Variants in FER1L5 observed in about 807,000 individuals in gnomAD.
FER1L5 encodes the protein fer-1 like family member 5.
FER1L5 carries 187 observed loss-of-function variants against 279.9 expected under a neutral mutation model. The ratio of observed to expected loss-of-function variants is 0.67; its 90% CI spans 0.59 to 0.75. The LOEUF (loss-of-function observed/expected upper bound fraction) is 0.75. FER1L5 is among the 30% of genes least tolerant of loss of function. The probability of loss-of-function intolerance (pLI) is 0.00; values close to 1 mark genes in which losing one functional copy is unlikely to be tolerated. For synonymous variants in FER1L5, 921 were observed against 989.7 expected (o/e 0.93, Z 1.30); for missense variants, 2,091 against 2,594.4 (o/e 0.81, Z 4.21).
At position 96,661,347 on chromosome 2, in the gene FER1L5, G is replaced by A. The variant is rs2075947192; in HGVS notation, c.801G>A (p.Trp267Ter). 2 of 1,551,036 alleles carry A rather than the reference G, an allele frequency of 1.3e-6. No individual in the cohort carries two copies. The highest frequency in any genetic ancestry group is 8.7e-7 in the Non-Finnish European group (1 of 1,146,830). ...TAGGTCACACACTCCTAAGGAAATG[G>A]CTAGGCCTCTGCCAGCCAAATAACC... ...HSPGHTLLRK[W>*]LGLCQPNNPG... Residue 267 changes from tryptophan (W) to a stop codon, truncating the protein, a stop_gained, in exon 11 of 53, where the codon TGG becomes TGA. Transcript: ENST00000624922. LOFTEE classifies it high-confidence loss of function.
At chr2:96,671,106 C>CAAAAAAAAAAAAAAAAAAAAAAAA (rs750341048) in intron 18 of FER1L5, among the ~76,000 whole-genome samples, 3 of 40,220 alleles carry the variant, frequency 7.5e-5, no homozygotes, top group African/African-American at 1.3e-4. Context: ...GACTCCATCT[C>CAAAAAAAAAAAAAAAAAAAAAAAA]AAAAAAAAAA....
intron 13 of FER1L5, 84 bp downstream of exon 13, chr2:96,662,351 A>G: frequency 7.9e-7 from 1 of 1,266,374 alleles, no homozygotes; most frequent in Non-Finnish European, 1.1e-6. Flanking sequence ...GGTGGGCAAG[A>G]CCACAGGAAT....
At chr2:96,684,805 C>T (rs765682683) in intron 20 of FER1L5, among the ~76,000 whole-genome samples, 2 of 151,924 alleles carry the variant, frequency 1.3e-5, no homozygotes, top group Non-Finnish European at 2.9e-5. Context: ...AAGGAGATGA[C>T]ACATCAGCAG....
At position 96,673,167 on chromosome 2, in the gene FER1L5, G is replaced by A; in HGVS notation, c.1582G>A (p.Val528Ile). 3 of 1,551,522 alleles carry A rather than the reference G, an allele frequency of 1.9e-6. No individual in the cohort carries two copies. The highest frequency in any genetic ancestry group is 2.6e-6 in the Non-Finnish European group (3 of 1,146,956). The part of the protein sequence containing the change: ...PNFKELIHFE[V>I]SIGHYGNKMD... ...CTTTAAAGAGCTGATCCATTTCGAG[G>A]TCAGCATCGGTCACTATGGGAACAA... The change falls in exon 19 of 53, where the codon GTC becomes ATC. Residue 528 changes from valine to isoleucine, a missense_variant. By Grantham distance (29) the Val-to-Ile change is conservative. Transcript: ENST00000624922.
Position 96,689,584 on chromosome 2 carries a change from G to A in FER1L5, c.2526-60G>A. 1 of 1,488,184 alleles carries A rather than the reference G, an allele frequency of 6.7e-7. No homozygotes were observed. 92.2% of individuals were successfully genotyped at this position (1,488,184 alleles called of 1,614,324 possible). A position where few individuals can be genotyped will look rare whatever the true frequency, so the allele number is the denominator to read the frequency against. On this transcript the variant is annotated intron_variant, in intron 25 of 52. Transcript: ENST00000624922. The surrounding 1 kb of genome is among the most constrained non-coding windows in gnomAD (Gnocchi z 4.6). Reference sequence around the variant, plus strand: ...GTATGGGAACGCTTGGCCAGCAGAAGACGGCCCTAGGGGCTGCTTGGGGAG... The same window carrying A: ...GTATGGGAACGCTTGGCCAGCAGAAAACGGCCCTAGGGGCTGCTTGGGGAG...
At chr2:96,655,422 C>T (rs534008643) in intron 9 of FER1L5, among the ~76,000 whole-genome samples, 1 of 152,306 alleles carries the variant, frequency 6.6e-6, no homozygotes, top group Non-Finnish European at 1.5e-5. Flanking sequence ...TATTACATGG[C>T]TTCTCACCAA....
At chr2:96,696,214 A>G in intron 37 of FER1L5, 137 bp downstream of exon 37, 1 of 1,043,962 alleles carries the variant, frequency 9.6e-7, no homozygotes, top group Non-Finnish European at 1.4e-6. Flanking sequence ...TAGGGTCCTC[A>G]GCCTATAGGG....
chr2:96,695,110 C>T (rs1195283378), intron 34 of FER1L5: 2 of 179,452 alleles, frequency 1.1e-5, no homozygotes, highest in Non-Finnish European at 1.1e-5. Flanking sequence ...CACAGGGGCC[C>T]TGAGAAATCC....
rs1295262526 is a variant in FER1L5, at chr2:96,687,942, G to A, written c.2356G>A (p.Glu786Lys). The A allele has an allele frequency of 1.9e-6, 3 of 1,551,050 alleles. No homozygotes were observed. The highest frequency in any genetic ancestry group is 2.6e-6 in the Non-Finnish European group (3 of 1,146,964). The change falls in exon 24 of 53, where the codon GAG (glutamate) becomes AAG (lysine). Residue 786 changes from glutamate (E) to lysine (K), a missense_variant. Transcript: ENST00000624922. Reference sequence around the variant, plus strand: ...CCAGGGTGACACAGCGGTGTACGCCGAGATGGTGAGTGGTGAGCGGCAGCC... The same window carrying A: ...CCAGGGTGACACAGCGGTGTACGCCAAGATGGTGAGTGGTGAGCGGCAGCC... ...LRQGDTAVYA[E>K]MYENQAKYKD...
chr2:96,663,692 A>C (rs909100575), intron 14 of FER1L5, among the ~76,000 whole-genome samples, 185 bp downstream of exon 14: 2 of 152,212 alleles, frequency 1.3e-5, no homozygotes, highest in East Asian at 3.8e-4. Context: ...TTTACAGCTT[A>C]CTGAGTTATC....
Position 96,697,649 on chromosome 2 carries a change from T to C in FER1L5, c.4135-11T>C. The C allele has an allele frequency of 6.2e-7, 1 of 1,613,964 alleles. No homozygotes were observed. The highest frequency in any genetic ancestry group is 8.5e-7 in the Non-Finnish European group (1 of 1,179,870). On this transcript the variant is annotated splice_polypyrimidine_tract_variant and intron_variant, in intron 38 of 52. Transcript: ENST00000624922. ...CCTGCCCGAGGCCAGAATGATCCTC[T>C]TCTCTGCCAGGATGAGTATGAGCAT...
In FER1L5 at chr2:96,695,807, C is replaced by G. The variant is rs760313932; in HGVS notation, c.3960C>G (p.Phe1320Leu). Residue 1320 changes from phenylalanine to leucine, a missense_variant, in exon 36 of 53, where the codon TTC becomes TTG. By Grantham distance (22) the Phe-to-Leu change is conservative (BLOSUM62 0). Transcript: ENST00000624922. ...TGAAGGTGGTAGACAACTGGGCCTTCGGCCAGCAGACCGTGACGGGCCAGG... is the reference window on the plus strand; with the variant it reads ...TGAAGGTGGTAGACAACTGGGCCTTGGGCCAGCAGACCGTGACGGGCCAGG... ...LVVKVVDNWA[F>L]GQQTVTGQAN... 7 of 1,612,840 alleles carry G rather than the reference C, an allele frequency of 4.3e-6. No homozygotes were observed. The highest frequency in any genetic ancestry group is 1.7e-5 in the Admixed American group (1 of 59,858).
intron 11 of FER1L5, 71 bp downstream of exon 11, chr2:96,661,511 T>C: frequency 6.6e-7 from 1 of 1,509,904 alleles, no homozygotes; most frequent in Non-Finnish European, 9.0e-7. Flanking sequence ...GGCCTCACCC[T>C]GGATATTGAC....
At chr2:96,650,380 T>G in intron 6 of FER1L5, 91 bp downstream of exon 6, 1 of 1,073,134 alleles carries the variant, frequency 9.3e-7, no homozygotes, top group East Asian at 2.6e-5. Context: ...CCCAAGGTCA[T>G]GGTAGAAGGG....
At chr2:96,695,228 G>A (rs771400976) in intron 34 of FER1L5, 38 of 400,544 alleles carry the variant, frequency 9.5e-5, no homozygotes, top group Non-Finnish European at 1.6e-4. Flanking sequence ...CAATGCCTGC[G>A]GGCTATGGAG....
intron 14 of FER1L5, among the ~76,000 whole-genome samples, chr2:96,667,052 T>C (rs1312176441): frequency 6.6e-6 from 1 of 152,198 alleles, no homozygotes; most frequent in Non-Finnish European, 1.5e-5. Context: ...CACCCCTTAC[T>C]ATGTGACCTT....
intron 1 of FER1L5, among the ~76,000 whole-genome samples, chr2:96,643,877 A>G (rs965802156): frequency 6.6e-6 from 1 of 152,012 alleles, no homozygotes; most frequent in Admixed American, 6.5e-5. Flanking sequence ...AGTAAAAGAA[A>G]AAAGGGTGAA....
At chr2:96,688,072 T>G in intron 24 of FER1L5, 125 bp downstream of exon 24, 5 of 1,270,132 alleles carry the variant, frequency 3.9e-6, no homozygotes, top group Non-Finnish European at 4.4e-6. Flanking sequence ...GTAGCTGCAG[T>G]AGCCCTGCAC....
rs554918506 is a variant in FER1L5, at chr2:96,690,728, G to T, written c.2743+139G>T. 7.2e-4 allele frequency: 507 copies of T among 704,922 alleles called. 2 individuals carry two copies. The African/African-American group carries it at 8.3e-3, about 11-fold the overall frequency. The allele number at this position is 704,922 out of a possible 1,614,324, so 43.7% of individuals were successfully genotyped here. ...GGGGCCCCCTGGCCTCCAGAGCTGG[G>T]TCTCCAGCGTTTCCTTACACATAGG... On this transcript the variant is annotated intron_variant, in intron 27 of 52. Coordinates refer to ENST00000624922, the MANE Select transcript of FER1L5 (RefSeq NM_001293083.2).
Sources: gnomAD v4.1 joint callset for allele counts (sites outside exome capture counted in the v4.1 genomes callset) on GRCh38, gnomAD v4.1.1 for gene constraint, Gnocchi (gnomAD v3.1) non-coding constraint, MANE v1.5 for transcripts, NCBI Gene and HGNC (gene_info 2026-07-23, HGNC 2026-07-21) for gene names.